The following MYO16 variants were observed in gnomAD, a reference collection of about 807,000 sequenced individuals.
The protein encoded by MYO16 is unconventional myosin-XVI.
A neutral mutation model predicts 205.3 loss-of-function variants in MYO16; 94 were observed. The observed-to-expected ratio is 0.46, with a 90% CI of 0.39 to 0.54. MYO16 has a LOEUF of 0.54. Ranked by LOEUF, MYO16 falls within the 20% of genes least tolerant of loss-of-function variation. The pLI is 0.00. For synonymous variants in MYO16, 988 were observed against 954.0 expected, an observed-to-expected ratio of 1.04 and a Z score of -0.66; for missense variants, 2,315 against 2,387.5, an observed-to-expected ratio of 0.97 and a Z score of 0.63.
chr13:109,198,274 C>T (rs765143220), intron 34 of MYO16, among the ~76,000 whole-genome samples: 5 of 152,018 alleles, frequency 3.3e-5, no homozygotes, highest in South Asian at 4.1e-4. Context: ...AATATATAAA[C>T]GCAAATAAAT....
chr13:109,155,373 A>C (rs1380662676), intron 32 of MYO16, among the ~76,000 whole-genome samples: 1 of 152,004 alleles, frequency 6.6e-6, no homozygotes, highest in African/African-American at 2.4e-5. Context: ...ATTTCGATCT[A>C]CTCCAGGGTG....
intron 27 of MYO16, among the ~76,000 whole-genome samples, chr13:109,076,369 T>C (rs1566494218): frequency 6.6e-6 from 1 of 152,184 alleles, no homozygotes; most frequent in Non-Finnish European, 1.5e-5. Flanking sequence ...TTTCTTCTAA[T>C]ATAAACATTT....
chr13:109,023,528 T>A (rs1448903301), intron 23 of MYO16, among the ~76,000 whole-genome samples: 1 of 114,004 alleles, frequency 8.8e-6, no homozygotes, highest in Non-Finnish European at 1.6e-5. Flanking sequence ...TTTATAATTA[T>A]ATATACAATA....
intron 33 of MYO16, among the ~76,000 whole-genome samples, chr13:109,176,678 G>A (rs562354939): frequency 6.9e-6 from 1 of 144,874 alleles, no homozygotes; most frequent in Admixed American, 7.1e-5. Flanking sequence ...TGCGTTGGCC[G>A]TGATGAGGAC....
chr13:109,121,611 A>G (rs1208467615), intron 29 of MYO16, among the ~76,000 whole-genome samples: 1 of 151,912 alleles, frequency 6.6e-6, no homozygotes, highest in African/African-American at 2.4e-5. Context: ...CAAGAAACAA[A>G]CTCTTAGATG....
intron 15 of MYO16, among the ~76,000 whole-genome samples, chr13:108,905,836 C>T (rs1594385226): frequency 1.3e-5 from 2 of 152,122 alleles, no homozygotes; most frequent in African/African-American, 4.8e-5. Flanking sequence ...TCCATAAGGC[C>T]ATGCTTTTAA....
chr13:108,646,649 G>A (rs1249280927), intron 1 of MYO16, among the ~76,000 whole-genome samples: 1 of 152,162 alleles, frequency 6.6e-6, no homozygotes, highest in African/African-American at 2.4e-5. Context: ...AGTGAACTGA[G>A]CACTATATCT....
At chr13:108,795,354 G>A (rs542147605) in intron 6 of MYO16, among the ~76,000 whole-genome samples, 16 of 151,974 alleles carry the variant, frequency 1.1e-4, no homozygotes, top group East Asian at 9.7e-4. Flanking sequence ...GACTACAGGC[G>A]CATGTCACCA....
intron 25 of MYO16, among the ~76,000 whole-genome samples, chr13:109,054,040 T>G (rs1887335503): frequency 6.6e-6 from 1 of 152,146 alleles, no homozygotes; most frequent in African/African-American, 2.4e-5. Context: ...AAAAACGATT[T>G]TAGATCAATA....
Position 109,055,256 on chromosome 13 carries a change from C to G in MYO16, c.3129+130C>G. 1.1e-6 allele frequency: 1 copy of G among 874,264 alleles called. No homozygotes were observed. Among genetic ancestry groups the G allele is most frequent in the Non-Finnish European group, 1.8e-6 (1 of 569,260 alleles). 54.2% of individuals were successfully genotyped at this position (874,264 alleles called of 1,614,324 possible). A position where few individuals can be genotyped will look rare whatever the true frequency, so the allele number is the denominator to read the frequency against. ...CAAAAAAAGTAAACATACACACACA[C>G]ACACACACACACACACACAGAGTAA... is the stretch of plus-strand genomic sequence containing the variant. On this transcript the variant is annotated intron_variant, in intron 26 of 34. Transcript: ENST00000457511. The surrounding 1 kb of genome is among the most constrained non-coding windows in gnomAD (Gnocchi z 5.0).
At chr13:108,700,120 G>A (rs1353906836) in intron 2 of MYO16, among the ~76,000 whole-genome samples, 1 of 152,024 alleles carries the variant, frequency 6.6e-6, no homozygotes, top group Admixed American at 6.6e-5. Context: ...ATCACTTGAG[G>A]CCAGGAGTTT....
chr13:108,871,506 A>G (rs992907021), intron 12 of MYO16, among the ~76,000 whole-genome samples: 2 of 152,130 alleles, frequency 1.3e-5, no homozygotes, highest in African/African-American at 4.8e-5. Flanking sequence ...TTTTCCTCCT[A>G]GCAGGCACAT....
chr13:108,887,218 T>C (rs1001872063), intron 13 of MYO16, among the ~76,000 whole-genome samples: 1 of 152,182 alleles, frequency 6.6e-6, no homozygotes, highest in African/African-American at 2.4e-5. Context: ...TTGTTGATAC[T>C]CTTAGGCCCC....
intron 12 of MYO16, among the ~76,000 whole-genome samples, chr13:108,874,685 TTCATCATCA>T (rs375128929): frequency 4.8e-5 from 6 of 126,052 alleles, no homozygotes; most frequent in African/African-American, 1.6e-4. Context: ...GGCAGACAGT[TTCATCATCA>T]TCATTATTAT....
chr13:109,164,340 G>A (rs9301354), intron 32 of MYO16, among the ~76,000 whole-genome samples: 21,224 of 152,122 alleles, frequency 0.14, 1,937 homozygotes, highest in African/African-American at 0.26. Context: ...AGTGGCTTTC[G>A]TGTTCGTACC....
At chr13:108,648,706 T>G (rs1880863745) in intron 1 of MYO16, among the ~76,000 whole-genome samples, 1 of 152,044 alleles carries the variant, frequency 6.6e-6, no homozygotes, top group Non-Finnish European at 1.5e-5. Context: ...AAATCGATCT[T>G]TATGGATTTT....
intron 13 of MYO16, 77 bp from the exon 14 acceptor site, chr13:108,888,295 A>T: frequency 1.0e-6 from 1 of 955,506 alleles, no homozygotes; most frequent in South Asian, 1.7e-5. Flanking sequence ...CCTTCAAAGT[A>T]GTTTCAAAGG....
intron 7 of MYO16, among the ~76,000 whole-genome samples, chr13:108,811,986 C>T (rs1278093448): frequency 2.6e-5 from 4 of 152,174 alleles, no homozygotes; most frequent in Admixed American, 6.5e-5. Flanking sequence ...GTGTCAGAGG[C>T]CCTGCTTAGG....
chr13:109,169,797 A>T (rs769693562), intron 33 of MYO16, among the ~76,000 whole-genome samples: 3 of 152,232 alleles, frequency 2.0e-5, no homozygotes, highest in African/African-American at 7.2e-5. Flanking sequence ...AAATAACTCC[A>T]ATGTCACGTA....
Sources: gnomAD v4.1 joint callset for allele counts (sites outside exome capture counted in the v4.1 genomes callset) on GRCh38, gnomAD v4.1.1 for gene constraint, Gnocchi (gnomAD v3.1) non-coding constraint, MANE v1.5 for transcripts, NCBI Gene and HGNC (gene_info 2026-07-23, HGNC 2026-07-21) for gene names.